SHISA6: variants seen among roughly 807,000 people sequenced by gnomAD.
SHISA6 encodes protein shisa-6.
SHISA6 carries 22 observed loss-of-function variants against 47.9 expected under a neutral mutation model. The ratio of observed to expected loss-of-function variants is 0.46; its 90% confidence interval spans 0.33 to 0.66. The LOEUF (loss-of-function observed/expected upper bound fraction) is 0.66, where lower values mean the gene tolerates loss of function less well. SHISA6 is among the 30% of genes least tolerant of loss of function. The pLI, the probability that SHISA6 is intolerant of heterozygous loss-of-function variation, is 0.02. For missense variants in SHISA6, 680 were observed against 764.6 expected (o/e 0.89, Z 1.30); for synonymous variants, 388 against 337.8 (o/e 1.15, Z -1.63).
intron 5 of SHISA6, among the ~76,000 whole-genome samples, chr17:11,556,751 G>A (rs909796398): frequency 6.6e-5 from 10 of 152,170 alleles, no homozygotes; most frequent in Non-Finnish European, 1.5e-4. Flanking sequence ...GGCTCAGGAG[G>A]AAGGATACCC....
chr17:11,495,401 A>G (rs952125513), intron 3 of SHISA6, among the ~76,000 whole-genome samples: 5 of 152,198 alleles, frequency 3.3e-5, no homozygotes, highest in African/African-American at 7.2e-5. Flanking sequence ...AGTCCACAGA[A>G]GCCAAAAGAA....
intron 3 of SHISA6, among the ~76,000 whole-genome samples, chr17:11,549,693 T>C (rs2071913634): frequency 6.6e-6 from 1 of 152,158 alleles, no homozygotes; most frequent in South Asian, 2.1e-4. Context: ...AGTCTAGAAG[T>C]GTTTCTTACT....
rs1474740695 is a variant in SHISA6, at chr17:11,314,535, TTG to T, written c.799+51011_799+51012del. ...CATTCCATACTGTTTTTTCATTTTT[TTG>T]TTTTTTTTTTTTTTTGAGATGGAGT... On this transcript the variant is annotated intron_variant, in intron 2 of 5. Coordinates refer to ENST00000441885, the MANE Select transcript of SHISA6 (RefSeq NM_207386.4). 3.3e-5 allele frequency among the ~76,000 whole-genome samples: 5 copies of T among 150,152 alleles called. 1 individual carries two copies. The highest frequency in any genetic ancestry group is 6.7e-5 in the Admixed American group (1 of 15,008).
chr17:11,260,752 T>G (rs1292051434), intron 1 of SHISA6, among the ~76,000 whole-genome samples: 4 of 151,934 alleles, frequency 2.6e-5, no homozygotes, highest in African/African-American at 9.7e-5. Flanking sequence ...TCCTTCTGTC[T>G]CCTTGGCTCC....
intron 2 of SHISA6, among the ~76,000 whole-genome samples, chr17:11,273,204 G>A (rs1908747749): frequency 6.6e-6 from 1 of 152,200 alleles, no homozygotes; most frequent in African/African-American, 2.4e-5. Flanking sequence ...AGCCAGGAGG[G>A]GGTGCTGACT....
intron 2 of SHISA6, among the ~76,000 whole-genome samples, chr17:11,360,678 T>C (rs1187173837): frequency 1.3e-5 from 2 of 151,746 alleles, no homozygotes; most frequent in African/African-American, 4.8e-5. Flanking sequence ...ATACCTTATG[T>C]ATGCGGGGCT....
chr17:11,563,526 C>G lies in SHISA6; in HGVS notation c.*5222C>G, dbSNP rs1316705584. 2 of 152,186 alleles carry G rather than the reference C, an allele frequency of 1.3e-5. No homozygotes were observed. Among genetic ancestry groups the G allele is most frequent in the Non-Finnish European group, 2.9e-5 (2 of 68,054 alleles). The allele number at this position is 152,186 out of a possible 1,614,324, so 9.4% of individuals were successfully genotyped here. A position where few individuals can be genotyped will look rare whatever the true frequency, so the allele number is the denominator to read the frequency against. On this transcript the variant is annotated 3_prime_UTR_variant, in exon 6 of 6. Coordinates refer to ENST00000441885, the MANE Select transcript of SHISA6 (RefSeq NM_207386.4). Reference sequence around the variant, plus strand: ...TGTGGCTGTGTGTTTCCTTAATGCTCTCCCTCCTGAGGGAGGAGAAGACCC... The same window carrying G: ...TGTGGCTGTGTGTTTCCTTAATGCTGTCCCTCCTGAGGGAGGAGAAGACCC...
chr17:11,293,143 A>T (rs1010144713), intron 2 of SHISA6, among the ~76,000 whole-genome samples: 1 of 151,998 alleles, frequency 6.6e-6, no homozygotes, highest in Non-Finnish European at 1.5e-5. Context: ...GATATTTTTG[A>T]AAGGTTTTTC....
intron 2 of SHISA6, among the ~76,000 whole-genome samples, chr17:11,299,874 G>T (rs772784697): frequency 1.3e-5 from 2 of 152,106 alleles, no homozygotes; most frequent in African/African-American, 4.8e-5. Context: ...GGTCAGGTGC[G>T]GTGGCTCACG....
At chr17:11,536,794 G>A (rs2071791897) in intron 3 of SHISA6, among the ~76,000 whole-genome samples, 1 of 152,128 alleles carries the variant, frequency 6.6e-6, no homozygotes, top group Admixed American at 6.5e-5. Flanking sequence ...CTTCCCATGG[G>A]TATGATTTAA....
At chr17:11,556,955 T>G (rs1025557562) in intron 5 of SHISA6, among the ~76,000 whole-genome samples, 1 of 152,066 alleles carries the variant, frequency 6.6e-6, no homozygotes, top group African/African-American at 2.4e-5. Flanking sequence ...CCAGGCAAAT[T>G]CAAGGGTACA....
At chr17:11,325,053 A>G (rs1910832017) in intron 2 of SHISA6, among the ~76,000 whole-genome samples, 1 of 152,138 alleles carries the variant, frequency 6.6e-6, no homozygotes, top group Admixed American at 6.5e-5. Context: ...GTAAGGGTCA[A>G]ATATCTGTGA....
chr17:11,476,771 T>C (rs951794419), intron 3 of SHISA6, among the ~76,000 whole-genome samples: 2 of 152,104 alleles, frequency 1.3e-5, no homozygotes, highest in African/African-American at 4.8e-5. Context: ...TGCAATTACA[T>C]TCATTTAATT....
intron 1 of SHISA6, among the ~76,000 whole-genome samples, chr17:11,259,834 A>G (rs1908157410): frequency 6.6e-6 from 1 of 152,192 alleles, no homozygotes; most frequent in East Asian, 1.9e-4. Context: ...GTAGGAAGTG[A>G]AATGTATGTA....
intron 3 of SHISA6, among the ~76,000 whole-genome samples, chr17:11,522,463 G>A (rs2071638857): frequency 6.6e-6 from 1 of 152,130 alleles, no homozygotes; most frequent in African/African-American, 2.4e-5. Flanking sequence ...AGAAGTTGTA[G>A]TTTGGGATAT....
chr17:11,308,004 C>T (rs987555555), intron 2 of SHISA6, among the ~76,000 whole-genome samples: 31 of 152,176 alleles, frequency 2.0e-4, no homozygotes, highest in African/African-American at 7.0e-4. Flanking sequence ...AATAATACAG[C>T]GGAGTTTGGT....
chr17:11,346,753 T>C (rs994056644), intron 2 of SHISA6, among the ~76,000 whole-genome samples: 2 of 152,228 alleles, frequency 1.3e-5, no homozygotes, highest in Admixed American at 6.5e-5. Flanking sequence ...TGAGTTGCAT[T>C]TGATATCTTG....
At chr17:11,555,971 T>C in intron 5 of SHISA6, 79 bp downstream of exon 5, 1 of 1,416,838 alleles carries the variant, frequency 7.1e-7, no homozygotes, top group East Asian at 2.6e-5. Context: ...TCTTGCTCCA[T>C]ACCCCATAGG....
chr17:11,288,564 C>T (rs1266176310), intron 2 of SHISA6: 1 of 151,982 alleles, frequency 6.6e-6, no homozygotes, highest in Non-Finnish European at 1.5e-5. Flanking sequence ...TGTTTAAAAA[C>T]AAAACTAAAA....
Sources: gnomAD v4.1 joint callset for allele counts (sites outside exome capture counted in the v4.1 genomes callset) on GRCh38, gnomAD v4.1.1 for gene constraint, MANE v1.5 for transcripts, NCBI Gene and HGNC (gene_info 2026-07-23, HGNC 2026-07-21) for gene names.